The following KALRN variants were observed in gnomAD, a reference collection of about 807,000 sequenced individuals.
The protein encoded by KALRN is kalirin RhoGEF kinase.
Under a neutral mutation model 353.7 loss-of-function variants are expected in KALRN, and 70 were observed. The ratio of observed to expected loss-of-function variants is 0.20; its 90% CI spans 0.16 to 0.24. The LOEUF (loss-of-function observed/expected upper bound fraction) is 0.24, where lower values mean the gene tolerates loss of function less well. Ranked by LOEUF, KALRN falls within the 10% of genes least tolerant of loss-of-function variation. The pLI is 1.00. For missense variants in KALRN, 2,791 were observed against 3,756.7 expected (o/e 0.74, Z 6.72); for synonymous variants, 1,391 against 1,434.8 (o/e 0.97, Z 0.69).
At chr3:124,059,859 T>C (rs1433066893) in intron 1 of KALRN, among the ~76,000 whole-genome samples, 1 of 152,242 alleles carries the variant, frequency 6.6e-6, no homozygotes, top group East Asian at 1.9e-4. Context: ...ATGCCAAGCA[T>C]TGATGTGTTT....
intron 51 of KALRN, among the ~76,000 whole-genome samples, chr3:124,680,067 G>A (rs17307881): frequency 1.3e-5 from 2 of 152,220 alleles, no homozygotes; most frequent in African/African-American, 2.4e-5. Context: ...AGCAAATAAG[G>A]TGTAATTGTA....
intron 6 of KALRN, among the ~76,000 whole-genome samples, chr3:124,302,041 A>C (rs575102461): frequency 6.6e-6 from 1 of 152,366 alleles, no homozygotes; most frequent in African/African-American, 2.4e-5. Context: ...AAATGTATGC[A>C]TAAACACATT....
intron 5 of KALRN, among the ~76,000 whole-genome samples, chr3:124,286,083 C>CTTTCTT (rs2075820690): frequency 1.9e-5 from 1 of 52,828 alleles, no homozygotes; most frequent in Non-Finnish European, 3.7e-5. Context: ...TCTTTCCTTC[C>CTTTCTT]TTTCTTTCTT....
chr3:124,637,603 A>G (rs181931282), intron 37 of KALRN, among the ~76,000 whole-genome samples: 12 of 152,342 alleles, frequency 7.9e-5, no homozygotes, highest in Admixed American at 2.0e-4. Context: ...GCATTCAGTC[A>G]GTGATTGATA....
chr3:124,087,728 G>A (rs1401642054), intron 1 of KALRN, among the ~76,000 whole-genome samples: 3 of 152,194 alleles, frequency 2.0e-5, no homozygotes, highest in African/African-American at 7.2e-5. Context: ...GCTGGGAGGG[G>A]GCTGGGACTA....
intron 1 of KALRN, among the ~76,000 whole-genome samples, chr3:124,041,773 C>T (rs923148469): frequency 1.3e-5 from 2 of 152,066 alleles, no homozygotes; most frequent in African/African-American, 4.8e-5. Flanking sequence ...TGACTGGCAG[C>T]GAAAATAACT....
At chr3:124,137,830 T>A (rs1320911113) in intron 1 of KALRN, among the ~76,000 whole-genome samples, 1 of 152,102 alleles carries the variant, frequency 6.6e-6, no homozygotes, top group Non-Finnish European at 1.5e-5. Flanking sequence ...GGGAGATGGC[T>A]GAAATGGCCA....
chr3:124,619,056 T>A (rs778968574), intron 34 of KALRN, among the ~76,000 whole-genome samples: 2 of 152,110 alleles, frequency 1.3e-5, no homozygotes, highest in Non-Finnish European at 2.9e-5. Flanking sequence ...CTGGCCAACA[T>A]CTCCCTGTTT....
rs780167418 is a variant in KALRN at position 124,227,993 on chromosome 3, C to G, written c.77C>G (p.Ser26Cys). Residue 26 changes from serine to cysteine, a missense_variant, in exon 2 of 60, where the codon TCT becomes TGT. Coordinates refer to ENST00000682506, the MANE Select transcript of KALRN (RefSeq NM_001388419.1). ...SDVDAFFRTG[S>C]FRNDGLKASD... ...CTTCTGGTTTGTTGTCCCACAGGGT[C>G]TTTTCGGAATGATGGTTTGAAAGCT... The G allele has an allele frequency of 1.8e-5, 29 of 1,613,840 alleles. No homozygotes were observed. In the South Asian group the frequency reaches 2.6e-4, roughly 15 times the overall value.
intron 33 of KALRN, among the ~76,000 whole-genome samples, chr3:124,558,953 G>T (rs1289869862): frequency 6.6e-6 from 1 of 152,252 alleles, no homozygotes; most frequent in Non-Finnish European, 1.5e-5. Context: ...ACATGAGGAA[G>T]CTCAAAGGGA....
At chr3:124,437,689 CAAAAAAA>C (rs397876079) in intron 17 of KALRN, among the ~76,000 whole-genome samples, 14 of 48,332 alleles carry the variant, frequency 2.9e-4, no homozygotes, top group South Asian at 2.6e-3. Flanking sequence ...GATTCCGTCT[CAAAAAAA>C]AAAAAAAAAA....
chr3:124,654,797 T>G (rs1019725395), intron 38 of KALRN, among the ~76,000 whole-genome samples: 2 of 152,206 alleles, frequency 1.3e-5, no homozygotes, highest in Admixed American at 6.5e-5. Context: ...CTAATCTTTC[T>G]GTCTCTGCAT....
intron 1 of KALRN, among the ~76,000 whole-genome samples, chr3:124,063,849 A>G (rs910741900): frequency 3.3e-5 from 5 of 152,134 alleles, no homozygotes; most frequent in Non-Finnish European, 5.9e-5. Context: ...GCTAGTAGGG[A>G]TCAGAAAGGC....
intron 33 of KALRN, among the ~76,000 whole-genome samples, chr3:124,516,637 A>T (rs1250141023): frequency 1.6e-4 from 7 of 42,854 alleles, no homozygotes; most frequent in African/African-American, 2.6e-4. Flanking sequence ...GCACATCTAT[A>T]AAAAAAAAAA....
chr3:124,237,228 C>T (rs1169008074), intron 3 of KALRN, among the ~76,000 whole-genome samples: 1 of 152,192 alleles, frequency 6.6e-6, no homozygotes, highest in Non-Finnish European at 1.5e-5. Flanking sequence ...CTGTTAGACT[C>T]AGTAGATGAT....
intron 10 of KALRN, among the ~76,000 whole-genome samples, chr3:124,353,245 C>T (rs912203652): frequency 3.3e-5 from 5 of 151,636 alleles, no homozygotes; most frequent in African/African-American, 1.2e-4. Context: ...GTGACCTTGC[C>T]CACCGAAGAT....
At chr3:124,347,615 G>A (rs1452906624) in intron 10 of KALRN, among the ~76,000 whole-genome samples, 2 of 152,078 alleles carry the variant, frequency 1.3e-5, no homozygotes, top group Non-Finnish European at 2.9e-5. Flanking sequence ...TGTCCACGAG[G>A]TGGTGCTGGC....
chr3:124,369,337 A>G (rs1176569557), intron 10 of KALRN, among the ~76,000 whole-genome samples: 1 of 152,204 alleles, frequency 6.6e-6, no homozygotes, highest in Non-Finnish European at 1.5e-5. Context: ...TGTTTATTGT[A>G]ATAACAAGTG....
chr3:124,597,292 C>T (rs1231372594), intron 34 of KALRN, among the ~76,000 whole-genome samples: 2 of 151,916 alleles, frequency 1.3e-5, no homozygotes, highest in Admixed American at 6.6e-5. Context: ...CCAAGTAAAC[C>T]AAGTTGGGAG....
Sources: gnomAD v4.1 joint callset for allele counts (sites outside exome capture counted in the v4.1 genomes callset) on GRCh38, gnomAD v4.1.1 for gene constraint, MANE v1.5 for transcripts, NCBI Gene and HGNC (gene_info 2026-07-23, HGNC 2026-07-21) for gene names.